Variants in CHCHD6 observed in about 807,000 individuals in gnomAD.
CHCHD6 encodes coiled-coil-helix-coiled-coil-helix domain containing 6.
A neutral mutation model predicts 32.3 loss-of-function variants in CHCHD6; 28 were observed. That is an observed-to-expected ratio of 0.87 (90% CI 0.64 to 1.19). The LOEUF (loss-of-function observed/expected upper bound fraction) is 1.19. Among genes scored for constraint, CHCHD6 ranks in the 50% most tolerant of loss-of-function variants. The pLI is 0.00. For synonymous variants in CHCHD6, 122 were observed against 117.5 expected, an observed-to-expected ratio of 1.04 and a Z score of -0.25; for missense variants, 333 against 307.0, an observed-to-expected ratio of 1.08 and a Z score of -0.63.
At chr3:126,823,192 C>A (rs560584720) in intron 4 of CHCHD6, among the ~76,000 whole-genome samples, 1 of 152,350 alleles carries the variant, frequency 6.6e-6, no homozygotes, top group East Asian at 1.9e-4. Context: ...GCTAGGATTA[C>A]AGGCGTGAGC....
At chr3:126,889,627 A>G (rs1234150869) in intron 5 of CHCHD6, among the ~76,000 whole-genome samples, 2 of 152,156 alleles carry the variant, frequency 1.3e-5, no homozygotes, top group African/African-American at 4.8e-5. Flanking sequence ...CTGGGCCCCC[A>G]TGTTCCTGGC....
chr3:126,822,838 G>GT (rs1940209104), intron 4 of CHCHD6, among the ~76,000 whole-genome samples: 1 of 152,084 alleles, frequency 6.6e-6, no homozygotes, highest in Non-Finnish European at 1.5e-5. Context: ...AATGATCTGT[G>GT]TTAGTAACAC....
intron 5 of CHCHD6, among the ~76,000 whole-genome samples, chr3:126,890,134 G>A (rs1435125332): frequency 1.3e-5 from 2 of 152,252 alleles, no homozygotes; most frequent in Non-Finnish European, 2.9e-5. Context: ...CCATGTGCCA[G>A]CCGCCTGGAA....
intron 1 of CHCHD6, among the ~76,000 whole-genome samples, chr3:126,714,326 G>A (rs191316415): frequency 9.1e-4 from 138 of 152,034 alleles, no homozygotes; most frequent in African/African-American, 2.8e-3. Context: ...CCACCTGTCC[G>A]ACTCCTGTGG....
chr3:126,880,892 G>A (rs1213376713), intron 5 of CHCHD6, among the ~76,000 whole-genome samples: 1 of 152,238 alleles, frequency 6.6e-6, no homozygotes, highest in East Asian at 1.9e-4. Flanking sequence ...GACATTGTGA[G>A]TCAGGCTGTT....
chr3:126,825,562 T>C (rs377693912), intron 4 of CHCHD6, among the ~76,000 whole-genome samples: 1 of 152,214 alleles, frequency 6.6e-6, no homozygotes, highest in African/African-American at 2.4e-5. Flanking sequence ...CTTTAAATAA[T>C]AAATATGCAA....
At chr3:126,863,394 C>T (rs1157046908) in intron 5 of CHCHD6, among the ~76,000 whole-genome samples, 1 of 136,428 alleles carries the variant, frequency 7.3e-6, no homozygotes, top group Non-Finnish European at 1.6e-5. Flanking sequence ...CCATCACCAC[C>T]TCCTCCTCCT....
At chr3:126,819,709 C>T (rs894700133) in intron 4 of CHCHD6, among the ~76,000 whole-genome samples, 4 of 152,338 alleles carry the variant, frequency 2.6e-5, no homozygotes, top group South Asian at 2.1e-4. Context: ...TCTAAATGGA[C>T]GTCTGGCTGC....
chr3:126,845,346 T>A (rs1015405557), intron 4 of CHCHD6, among the ~76,000 whole-genome samples: 6 of 152,222 alleles, frequency 3.9e-5, no homozygotes, highest in African/African-American at 4.8e-5. Context: ...TTTAGATTAC[T>A]TTTTTAGGGT....
chr3:126,788,747 T>G (rs925696941), intron 4 of CHCHD6, among the ~76,000 whole-genome samples: 1 of 152,180 alleles, frequency 6.6e-6, no homozygotes, highest in African/African-American at 2.4e-5. Flanking sequence ...GGTCTATCAA[T>G]TTTGTTGATC....
chr3:126,791,674 A>G lies in CHCHD6; in HGVS notation c.411+58452A>G, dbSNP rs145309634. Among the ~76,000 whole-genome samples the G allele has an allele frequency of 2.8e-3, 421 of 152,344 alleles. 3 individuals are homozygous for G. Among genetic ancestry groups the G allele is most frequent in the African/African-American group, 9.0e-3 (374 of 41,576 alleles). ...GCCTGGGCTGGAGTGCAATGGCACGATCTTGGCTCACTGCAGCCTCCACCT... is the reference window on the plus strand; with the variant it reads ...GCCTGGGCTGGAGTGCAATGGCACGGTCTTGGCTCACTGCAGCCTCCACCT... On this transcript the variant is annotated intron_variant, in intron 4 of 7. Coordinates refer to ENST00000290913, the MANE Select transcript of CHCHD6 (RefSeq NM_032343.3).
rs553947628 is a variant in CHCHD6 at position 126,879,272 on chromosome 3, A to T, written c.495+26542A>T. On this transcript the variant is annotated intron_variant, in intron 5 of 7. Coordinates refer to ENST00000290913, the MANE Select transcript of CHCHD6 (RefSeq NM_032343.3). Reference sequence around the variant, plus strand: ...ACAGTGGGGCAGGGTGGGATGAGGCATCATGTCCCATTAGAGTTAGGACAT... The same window carrying T: ...ACAGTGGGGCAGGGTGGGATGAGGCTTCATGTCCCATTAGAGTTAGGACAT... Among the ~76,000 whole-genome samples, 32 of 152,336 alleles carry T rather than the reference A, an allele frequency of 2.1e-4. No individual in the cohort carries two copies. In the East Asian group the frequency reaches 6.2e-3, roughly 29 times the overall value.
intron 5 of CHCHD6, among the ~76,000 whole-genome samples, chr3:126,910,287 C>CAAAAAAAAAAAAA (rs1158847805): frequency 4.8e-5 from 7 of 145,692 alleles, no homozygotes; most frequent in African/African-American, 1.0e-4. Flanking sequence ...AAAAAAAAAA[C>CAAAAAAAAAAAAA]AAAAAAAACA....
intron 4 of CHCHD6, among the ~76,000 whole-genome samples, chr3:126,751,406 G>C (rs1936713672): frequency 6.6e-6 from 1 of 150,888 alleles, no homozygotes; most frequent in Admixed American, 6.6e-5. Context: ...GGAAGCTGAG[G>C]CACGAGAATT....
At chr3:126,800,919 C>G (rs1028590103) in intron 4 of CHCHD6, among the ~76,000 whole-genome samples, 5 of 152,176 alleles carry the variant, frequency 3.3e-5, no homozygotes, top group Non-Finnish European at 5.9e-5. Flanking sequence ...ATTAGATCAC[C>G]CTACCAATTG....
chr3:126,781,401 T>G (rs1937935858), intron 4 of CHCHD6, among the ~76,000 whole-genome samples: 1 of 152,246 alleles, frequency 6.6e-6, no homozygotes, highest in Non-Finnish European at 1.5e-5. Context: ...ATATTCATTC[T>G]TGCCTGGTTT....
At chr3:126,831,099 C>G (rs566445708) in intron 4 of CHCHD6, among the ~76,000 whole-genome samples, 2 of 152,066 alleles carry the variant, frequency 1.3e-5, no homozygotes, top group East Asian at 3.9e-4. Context: ...TCTCAGCTCA[C>G]TGCAAGCTCC....
At chr3:126,945,925 A>G (rs911318194) in intron 6 of CHCHD6, among the ~76,000 whole-genome samples, 5 of 152,018 alleles carry the variant, frequency 3.3e-5, no homozygotes, top group African/African-American at 1.2e-4. Context: ...GGGGTGGGGA[A>G]CAGGCAGCCA....
At chr3:126,870,340 C>T (rs1220921638) in intron 5 of CHCHD6, among the ~76,000 whole-genome samples, 2 of 152,186 alleles carry the variant, frequency 1.3e-5, no homozygotes, top group Non-Finnish European at 2.9e-5. Context: ...CCTGTGGAGT[C>T]GCCGTGGCTG....
Sources: gnomAD v4.1 joint callset for allele counts (sites outside exome capture counted in the v4.1 genomes callset) on GRCh38, gnomAD v4.1.1 for gene constraint, MANE v1.5 for transcripts, NCBI Gene and HGNC (gene_info 2026-07-23, HGNC 2026-07-21) for gene names.